XKR6: variants seen among roughly 807,000 people sequenced by gnomAD.
XKR6 encodes the protein XK related 6, also known as XK-related protein 6.
A neutral mutation model predicts 56.7 loss-of-function variants in XKR6; 22 were observed. The observed-to-expected ratio is 0.39, with a 90% CI of 0.28 to 0.55. The LOEUF (loss-of-function observed/expected upper bound fraction) is 0.55. Among genes scored for constraint, XKR6 ranks in the 20% least tolerant of loss-of-function variants. The pLI is 0.66. For missense variants in XKR6, 852 were observed against 889.0 expected (o/e 0.96, Z 0.53); for synonymous variants, 524 against 387.8 (o/e 1.35, Z -4.13).
intron 1 of XKR6, among the ~76,000 whole-genome samples, chr8:11,152,757 G>A (rs1172644435): frequency 6.6e-6 from 1 of 152,198 alleles, no homozygotes; most frequent in Non-Finnish European, 1.5e-5. Flanking sequence ...CTAGCTTGTG[G>A]ACAGAGTGTT....
intron 1 of XKR6, among the ~76,000 whole-genome samples, chr8:11,102,007 CGAG>C (rs1302569014): frequency 1.3e-5 from 2 of 152,082 alleles, no homozygotes; most frequent in African/African-American, 2.4e-5. Flanking sequence ...GCGGGAGAAA[CGAG>C]GAGGATGTGT....
intron 1 of XKR6, among the ~76,000 whole-genome samples, chr8:11,111,438 C>T (rs1380185443): frequency 6.6e-6 from 1 of 152,168 alleles, no homozygotes; most frequent in Non-Finnish European, 1.5e-5. Context: ...TATTCTAATA[C>T]AGGCCATTCT....
At chr8:10,952,865 G>T (rs561382281) in intron 1 of XKR6, among the ~76,000 whole-genome samples, 3 of 152,170 alleles carry the variant, frequency 2.0e-5, no homozygotes, top group Non-Finnish European at 4.4e-5. Context: ...GAGGTGAGTG[G>T]CAGGCGAGGA....
At chr8:11,113,606 A>G (rs1228588659) in intron 1 of XKR6, among the ~76,000 whole-genome samples, 1 of 152,214 alleles carries the variant, frequency 6.6e-6, no homozygotes, top group Non-Finnish European at 1.5e-5. Context: ...CTTACTTTCT[A>G]GTCTAAAAAC....
chr8:11,155,981 G>T (rs1801501662), intron 1 of XKR6, among the ~76,000 whole-genome samples: 1 of 152,194 alleles, frequency 6.6e-6, no homozygotes, highest in African/African-American at 2.4e-5. Flanking sequence ...CACCTTTGCA[G>T]GAGCTATTTC....
chr8:11,097,068 A>G (rs576863730), intron 1 of XKR6, among the ~76,000 whole-genome samples: 1 of 152,188 alleles, frequency 6.6e-6, no homozygotes. Flanking sequence ...CCTAGAGTCA[A>G]GTTAAATCTG....
intron 1 of XKR6, among the ~76,000 whole-genome samples, chr8:11,090,751 A>G (rs1424074798): frequency 6.9e-6 from 1 of 145,762 alleles, no homozygotes; most frequent in Non-Finnish European, 1.5e-5. Context: ...TATTGGGTTG[A>G]AGGAGGTTCT....
chr8:11,164,606 A>T (rs960130977), intron 1 of XKR6, among the ~76,000 whole-genome samples: 17 of 152,268 alleles, frequency 1.1e-4, no homozygotes, highest in Admixed American at 8.5e-4. Flanking sequence ...GTATGTGGCC[A>T]AAACACAATC....
chr8:11,049,854 C>T (rs534768242), intron 1 of XKR6, among the ~76,000 whole-genome samples: 7 of 152,318 alleles, frequency 4.6e-5, no homozygotes, highest in Admixed American at 2.6e-4. Flanking sequence ...GGGCAAACAG[C>T]GCATACACAC....
intron 1 of XKR6, among the ~76,000 whole-genome samples, chr8:11,059,460 G>T (rs1246166120): frequency 6.6e-6 from 1 of 152,138 alleles, no homozygotes; most frequent in Admixed American, 6.5e-5. Context: ...CGCCGGCGCC[G>T]AGAAGGAGGC....
intron 1 of XKR6, among the ~76,000 whole-genome samples, chr8:11,114,727 ATGTGTGTGTGTGTGTGTG>A (rs58011023): frequency 8.8e-4 from 104 of 118,492 alleles, no homozygotes; most frequent in Non-Finnish European, 6.0e-4. Context: ...TAGATCACAT[ATGTGTGTGTGTGTGTGTG>A]TGTGTGTGTG....
At position 11,188,745 on chromosome 8, in the gene XKR6, G is replaced by A. The variant is rs182387888; in HGVS notation, c.764+11831C>T. 3.3e-4 allele frequency among the ~76,000 whole-genome samples: 50 copies of A among 152,206 alleles called. 1 individual carries two copies. The highest frequency in any genetic ancestry group is 7.5e-4 in the African/African-American group (31 of 41,528). ...TTTGGAGTTCTGCTCATTTTGATGC[G>A]GAATCACCAACGAGCAGAGGATCTA... is the stretch of plus-strand genomic sequence containing the variant. On this transcript the variant is annotated intron_variant, in intron 1 of 2. Coordinates refer to ENST00000416569, the MANE Select transcript of XKR6 (RefSeq NM_173683.4).
At chr8:10,939,881 A>G (rs1801337921) in intron 1 of XKR6, among the ~76,000 whole-genome samples, 2 of 152,142 alleles carry the variant, frequency 1.3e-5, no homozygotes, top group Non-Finnish European at 2.9e-5. Flanking sequence ...TTCATTGTGC[A>G]TCTCCAGCTT....
At chr8:11,128,121 G>A (rs755364484) in intron 1 of XKR6, among the ~76,000 whole-genome samples, 9 of 152,162 alleles carry the variant, frequency 5.9e-5, no homozygotes, top group Non-Finnish European at 1.2e-4. Flanking sequence ...AAATTAGCTA[G>A]AATGAAGTTA....
At chr8:11,072,992 G>C (rs552602514) in intron 1 of XKR6, among the ~76,000 whole-genome samples, 2 of 152,106 alleles carry the variant, frequency 1.3e-5, no homozygotes, top group East Asian at 1.9e-4. Flanking sequence ...GGAGGGTGCA[G>C]TGAGCCAAGA....
chr8:11,052,240 G>A (rs973535287), intron 1 of XKR6, among the ~76,000 whole-genome samples: 2 of 152,098 alleles, frequency 1.3e-5, no homozygotes, highest in Admixed American at 6.5e-5. Flanking sequence ...TCCCACCACC[G>A]AGGTATCTGC....
At chr8:10,900,299 C>G (rs1024824333) in intron 2 of XKR6, among the ~76,000 whole-genome samples, 1 of 152,142 alleles carries the variant, frequency 6.6e-6, no homozygotes, top group Non-Finnish European at 1.5e-5. Context: ...GACCACCAGG[C>G]TTCTGCTCGT....
chr8:11,010,190 A>C (rs986541628), intron 1 of XKR6, among the ~76,000 whole-genome samples: 14 of 152,150 alleles, frequency 9.2e-5, no homozygotes, highest in African/African-American at 3.4e-4. Context: ...GAGGTGCTAC[A>C]CACTTTCAAA....
chr8:11,026,054 G>A (rs549884809), intron 1 of XKR6, among the ~76,000 whole-genome samples: 2 of 152,250 alleles, frequency 1.3e-5, no homozygotes, highest in Admixed American at 6.5e-5. Context: ...AATCAACAAC[G>A]GGGATACATT....
Sources: gnomAD v4.1 joint callset for allele counts (sites outside exome capture counted in the v4.1 genomes callset) on GRCh38, gnomAD v4.1.1 for gene constraint, MANE v1.5 for transcripts, NCBI Gene and HGNC (gene_info 2026-07-23, HGNC 2026-07-21) for gene names.